The following THSD7B variants were observed in gnomAD, a reference collection of about 807,000 sequenced individuals.
THSD7B encodes thrombospondin type 1 domain containing 7B.
THSD7B carries 138 observed loss-of-function variants against 213.6 expected under a neutral mutation model. The observed-to-expected ratio is 0.65, with a 90% CI of 0.56 to 0.74. The LOEUF (loss-of-function observed/expected upper bound fraction) is 0.74, where lower values mean the gene tolerates loss of function less well. Ranked by LOEUF, THSD7B falls within the 30% of genes least tolerant of loss-of-function variation. THSD7B has a pLI of 0.00. For synonymous variants in THSD7B, 742 were observed against 687.0 expected, an observed-to-expected ratio of 1.08 and a Z score of -1.25; for missense variants, 1,931 against 1,991.5, an observed-to-expected ratio of 0.97 and a Z score of 0.58.
intron 5 of THSD7B, among the ~76,000 whole-genome samples, chr2:137,132,567 T>C (rs1688757966): frequency 6.6e-6 from 1 of 152,180 alleles, no homozygotes; most frequent in Non-Finnish European, 1.5e-5. Flanking sequence ...TCCTTCTTTA[T>C]ATAGATAAAG....
At chr2:137,418,177 C>T (rs1686840933) in intron 14 of THSD7B, among the ~76,000 whole-genome samples, 1 of 152,204 alleles carries the variant, frequency 6.6e-6, no homozygotes, top group African/African-American at 2.4e-5. Context: ...ATCCACTTTT[C>T]TCCAGCCCTG....
At chr2:137,212,549 G>C (rs948186448) in intron 7 of THSD7B, among the ~76,000 whole-genome samples, 1 of 152,002 alleles carries the variant, frequency 6.6e-6, no homozygotes, top group Admixed American at 6.6e-5. Context: ...TTAAAACATT[G>C]TCTGAATTGG....
rs192909002 is a variant in THSD7B at position 137,559,404 on chromosome 2, A to G, written c.3139-3817A>G. Among the ~76,000 whole-genome samples, 281 of 152,322 alleles carry G rather than the reference A, an allele frequency of 1.8e-3. 1 individual carries two copies. The highest frequency in any genetic ancestry group is 6.5e-3 in the African/African-American group (269 of 41,572). ...GATCATAACAGAGCCCTCAGAGATA[A>G]TACCACACATCTACAACTATCTGAT... On this transcript the variant is annotated intron_variant, in intron 15 of 27. Coordinates refer to ENST00000409968, the MANE Select transcript of THSD7B (RefSeq NM_001316349.2).
intron 20 of THSD7B, among the ~76,000 whole-genome samples, chr2:137,633,445 G>GTGC (rs1682777847): frequency 1.3e-5 from 2 of 152,136 alleles, no homozygotes; most frequent in Admixed American, 6.5e-5. Context: ...GCAAAAGGTA[G>GTGC]ATCTAAGTGC....
At chr2:136,866,660 G>A (rs1683338126) in intron 1 of THSD7B, among the ~76,000 whole-genome samples, 1 of 152,126 alleles carries the variant, frequency 6.6e-6, no homozygotes, top group Non-Finnish European at 1.5e-5. Context: ...ACATTTGTTT[G>A]GTATTTAATT....
chr2:137,493,376 T>C (rs1322758304), intron 15 of THSD7B, among the ~76,000 whole-genome samples: 1 of 152,134 alleles, frequency 6.6e-6, no homozygotes, highest in Non-Finnish European at 1.5e-5. Flanking sequence ...TAAATGTCAG[T>C]AAGAGATTAA....
chr2:137,478,222 A>C (rs1044134641), intron 15 of THSD7B, among the ~76,000 whole-genome samples: 1 of 152,164 alleles, frequency 6.6e-6, no homozygotes, highest in African/African-American at 2.4e-5. Flanking sequence ...AACACCAAAA[A>C]TTCACTCTGT....
chr2:137,121,191 C>T (rs1478535216), intron 5 of THSD7B, among the ~76,000 whole-genome samples: 2 of 152,028 alleles, frequency 1.3e-5, no homozygotes, highest in Non-Finnish European at 2.9e-5. Flanking sequence ...TCAGACTGTT[C>T]TTGTTATTAA....
At chr2:136,890,371 T>TTCTTCC (rs1683805903) in intron 2 of THSD7B, among the ~76,000 whole-genome samples, 5 of 6,640 alleles carry the variant, frequency 7.5e-4, no homozygotes, top group Admixed American at 1.5e-3. Context: ...CTTCTTCTTC[T>TTCTTCC]TCTTCCTCTT....
chr2:136,795,721 TACTCTC>T (rs941004809), intron 1 of THSD7B, among the ~76,000 whole-genome samples: 5 of 152,030 alleles, frequency 3.3e-5, no homozygotes, highest in African/African-American at 1.2e-4. Context: ...ATTTTTTACT[TACTCTC>T]ACTCCAACCC....
chr2:137,568,622 G>A (rs1291715434), intron 16 of THSD7B, among the ~76,000 whole-genome samples: 1 of 152,172 alleles, frequency 6.6e-6, no homozygotes, highest in Non-Finnish European at 1.5e-5. Context: ...GGGGAAGCAA[G>A]CTTGGACCTT....
chr2:137,106,219 C>T (rs1456282662), intron 4 of THSD7B, among the ~76,000 whole-genome samples: 4 of 152,126 alleles, frequency 2.6e-5, no homozygotes, highest in Non-Finnish European at 5.9e-5. Context: ...TGGAGCAGAA[C>T]ACAGACCTCA....
At chr2:137,039,899 C>T (rs1163491122) in intron 2 of THSD7B, among the ~76,000 whole-genome samples, 1 of 152,192 alleles carries the variant, frequency 6.6e-6, no homozygotes, top group African/African-American at 2.4e-5. Flanking sequence ...CAGAGCCTGC[C>T]TACTCTATTG....
intron 10 of THSD7B, among the ~76,000 whole-genome samples, chr2:137,270,525 T>C (rs1419522848): frequency 6.6e-6 from 1 of 152,152 alleles, no homozygotes; most frequent in African/African-American, 2.4e-5. Flanking sequence ...AGAGGGCCAT[T>C]AGTGGAGGAC....
chr2:137,254,182 A>G (rs1322802213), intron 10 of THSD7B, among the ~76,000 whole-genome samples: 1 of 152,228 alleles, frequency 6.6e-6, no homozygotes, highest in Non-Finnish European at 1.5e-5. Flanking sequence ...TAGATGGTTC[A>G]GATAGAATAT....
intron 7 of THSD7B, among the ~76,000 whole-genome samples, chr2:137,221,142 G>C (rs10208343): frequency 0.6 from 90,666 of 151,814 alleles, 27,501 homozygotes; most frequent in South Asian, 0.71. Context: ...CAAAAATTAG[G>C]CAGGAGTGGT....
intron 2 of THSD7B, among the ~76,000 whole-genome samples, chr2:137,030,782 T>A (rs1338290801): frequency 2.0e-5 from 3 of 151,798 alleles, no homozygotes; most frequent in Non-Finnish European, 4.4e-5. Context: ...ATGGGGAGGA[T>A]GGAAAGGGAT....
chr2:137,194,268 G>A (rs1224534244), intron 7 of THSD7B, among the ~76,000 whole-genome samples: 5 of 152,154 alleles, frequency 3.3e-5, no homozygotes, highest in African/African-American at 4.8e-5. Context: ...GAAAAGGGGC[G>A]TGCTGTAGAA....
intron 14 of THSD7B, among the ~76,000 whole-genome samples, chr2:137,435,616 A>G (rs1447002649): frequency 6.6e-6 from 1 of 152,074 alleles, no homozygotes; most frequent in African/African-American, 2.4e-5. Flanking sequence ...ACTGAAGAAC[A>G]TTTTCATGTC....
Sources: allele counts gnomAD v4.1 joint callset (sites outside exome capture counted in the v4.1 genomes callset), GRCh38; gene constraint gnomAD v4.1.1; transcripts MANE v1.5; gene names NCBI Gene and HGNC (gene_info 2026-07-23, HGNC 2026-07-21).